Variants in TLE4 observed in about 807,000 individuals in gnomAD.
The protein encoded by TLE4 is TLE family member 4, transcriptional corepressor.
TLE4 carries 8 observed loss-of-function variants against 92.8 expected under a neutral mutation model. The ratio of observed to expected loss-of-function variants is 0.09; its 90% CI spans 0.05 to 0.16. The LOEUF (loss-of-function observed/expected upper bound fraction) is 0.16. Ranked by LOEUF, TLE4 falls within the 10% of genes least tolerant of loss-of-function variation. The pLI, the probability that TLE4 is intolerant of heterozygous loss-of-function variation, is 1.00. For synonymous variants in TLE4, 371 were observed against 374.1 expected, an observed-to-expected ratio of 0.99 and a Z score of 0.10; for missense variants, 675 against 997.6, an observed-to-expected ratio of 0.68 and a Z score of 4.36.
chr9:79,629,523 T>A (rs1436179051), intron 6 of TLE4, among the ~76,000 whole-genome samples: 1 of 152,214 alleles, frequency 6.6e-6, no homozygotes, highest in Non-Finnish European at 1.5e-5. Flanking sequence ...CTTAATTTTG[T>A]GACCTAAAAA....
chr9:79,610,234 T>G (rs973599636), intron 4 of TLE4, among the ~76,000 whole-genome samples: 2 of 152,034 alleles, frequency 1.3e-5, no homozygotes, highest in African/African-American at 4.8e-5. Flanking sequence ...ATGACAAATA[T>G]CAATGGTGAC....
chr9:79,677,854 G>T (rs906252831), intron 8 of TLE4, among the ~76,000 whole-genome samples: 7 of 152,030 alleles, frequency 4.6e-5, no homozygotes, highest in African/African-American at 1.7e-4. Flanking sequence ...AGTGGGTGGT[G>T]TAAGAGATTC....
chr9:79,592,340 A>G (rs1206403064), intron 4 of TLE4, among the ~76,000 whole-genome samples: 1 of 139,468 alleles, frequency 7.2e-6, no homozygotes, highest in East Asian at 2.1e-4. Context: ...CAGTGGCGTG[A>G]TCATGGCTCA....
chr9:79,626,012 G>A (rs1178975934), intron 5 of TLE4, among the ~76,000 whole-genome samples: 1 of 151,886 alleles, frequency 6.6e-6, no homozygotes, highest in Non-Finnish European at 1.5e-5. Context: ...TCTATTAAAA[G>A]CTTAAGATTC....
intron 14 of TLE4, chr9:79,718,219 C>G (rs1204907277): frequency 1.8e-5 from 7 of 380,872 alleles, no homozygotes; most frequent in Non-Finnish European, 3.6e-5. Flanking sequence ...ACGTCTAAGC[C>G]TAGAGGCTCT....
intron 6 of TLE4, among the ~76,000 whole-genome samples, chr9:79,640,877 C>T (rs1358461355): frequency 6.6e-6 from 1 of 152,078 alleles, no homozygotes; most frequent in African/African-American, 2.4e-5. Context: ...AGCTGGTTTA[C>T]ACACTCAAGC....
chr9:79,585,514 A>G (rs2040836038), intron 4 of TLE4, among the ~76,000 whole-genome samples: 1 of 152,138 alleles, frequency 6.6e-6, no homozygotes, highest in South Asian at 2.1e-4. Context: ...CAGCTTTGTG[A>G]TATTGCTGAG....
intron 6 of TLE4, among the ~76,000 whole-genome samples, chr9:79,632,512 T>A (rs1181557420): frequency 6.6e-6 from 1 of 152,190 alleles, no homozygotes; most frequent in Non-Finnish European, 1.5e-5. Flanking sequence ...GGCCTCAAGC[T>A]ACTTAAGGGG....
At chr9:79,584,272 A>G (rs1392319155) in intron 4 of TLE4, among the ~76,000 whole-genome samples, 1 of 152,236 alleles carries the variant, frequency 6.6e-6, no homozygotes, top group Non-Finnish European at 1.5e-5. Flanking sequence ...CGTCATCTCT[A>G]GTGAGAGATC....
At chr9:79,699,649 T>A (rs2069235241) in intron 8 of TLE4, among the ~76,000 whole-genome samples, 1 of 152,222 alleles carries the variant, frequency 6.6e-6, no homozygotes. Flanking sequence ...CGAATGAGTT[T>A]TAGGCTGCTT....
intron 14 of TLE4, among the ~76,000 whole-genome samples, chr9:79,711,207 G>T (rs562582693): frequency 2.6e-5 from 4 of 152,280 alleles, no homozygotes; most frequent in Admixed American, 6.5e-5. Context: ...CAGCCAAGTT[G>T]CTTGGTAAAT....
chr9:79,627,257 G>C, intron 5 of TLE4, 117 bp from the exon 6 acceptor site: 1 of 1,007,420 alleles, frequency 9.9e-7, no homozygotes, highest in Non-Finnish European at 1.5e-6. Flanking sequence ...TGGAAACCTG[G>C]AGATCCCCCA....
intron 5 of TLE4, among the ~76,000 whole-genome samples, chr9:79,623,560 T>C (rs1481157869): frequency 6.6e-6 from 1 of 152,214 alleles, no homozygotes; most frequent in Non-Finnish European, 1.5e-5. Flanking sequence ...CATGTTTGTA[T>C]TGCTTAAATC....
intron 5 of TLE4, among the ~76,000 whole-genome samples, chr9:79,615,132 T>G (rs2049232636): frequency 6.6e-6 from 1 of 152,168 alleles, no homozygotes. Context: ...CTTCTGTGCA[T>G]TCTGTGAGCA....
chr9:79,573,072 C>T (rs537983641), intron 1 of TLE4, among the ~76,000 whole-genome samples: 5 of 152,092 alleles, frequency 3.3e-5, no homozygotes, highest in Admixed American at 1.3e-4. Context: ...TCTTTGAAGC[C>T]CCTGGAAGCC....
intron 8 of TLE4, among the ~76,000 whole-genome samples, chr9:79,681,634 T>G (rs972448487): frequency 1.3e-5 from 2 of 152,098 alleles, no homozygotes; most frequent in African/African-American, 4.8e-5. Flanking sequence ...ATACACTGAC[T>G]TTTCTGGCTA....
chr9:79,635,619 C>T (rs1229262031), intron 6 of TLE4, among the ~76,000 whole-genome samples: 2 of 149,784 alleles, frequency 1.3e-5, no homozygotes, highest in Admixed American at 1.3e-4. Context: ...GTTTTTCTAG[C>T]ACTATTTGTT....
At chr9:79,716,199 T>C (rs961141685) in intron 14 of TLE4, among the ~76,000 whole-genome samples, 2 of 152,194 alleles carry the variant, frequency 1.3e-5, no homozygotes. Context: ...TCTTATATCC[T>C]ATATGCTCTC....
At chr9:79,603,100 G>A (rs574042662) in intron 4 of TLE4, among the ~76,000 whole-genome samples, 1 of 152,320 alleles carries the variant, frequency 6.6e-6, no homozygotes, top group Non-Finnish European at 1.5e-5. Flanking sequence ...AGCAAAGAAA[G>A]TAGTTTCTTG....
Sources: gnomAD v4.1 joint callset for allele counts (sites outside exome capture counted in the v4.1 genomes callset) on GRCh38, gnomAD v4.1.1 for gene constraint, MANE v1.5 for transcripts, NCBI Gene and HGNC (gene_info 2026-07-23, HGNC 2026-07-21) for gene names.